Variants in AGBL2 observed in about 807,000 individuals in gnomAD.
AGBL2 encodes cytosolic carboxypeptidase 2.
AGBL2 carries 87 observed loss-of-function variants against 103.0 expected under a neutral mutation model. That is an observed-to-expected ratio of 0.84 (90% confidence interval 0.71 to 1.01). AGBL2 has a LOEUF of 1.01. Among genes scored for constraint, AGBL2 ranks in the 50% least tolerant of loss-of-function variants. The pLI is 0.00. For synonymous variants in AGBL2, 335 were observed against 356.7 expected (o/e 0.94, Z 0.69); for missense variants, 904 against 1,023.5 (o/e 0.88, Z 1.59).
intron 11 of AGBL2, 113 bp from the exon 12 acceptor site, chr11:47,682,208 A>G (rs1565035663): frequency 1.8e-6 from 2 of 1,096,016 alleles, no homozygotes; most frequent in East Asian, 2.6e-5. Context: ...TTATTTCCCA[A>G]AGCATGTTCC....
intron 4 of AGBL2, among the ~76,000 whole-genome samples, chr11:47,707,736 C>A (rs2097525609): frequency 6.6e-6 from 1 of 152,140 alleles, no homozygotes; most frequent in South Asian, 2.1e-4. Flanking sequence ...ATACCCTAAC[C>A]TACACTACGT....
chr11:47,699,994 A>G (rs1373109083), intron 7 of AGBL2, among the ~76,000 whole-genome samples: 3 of 151,116 alleles, frequency 2.0e-5, no homozygotes, highest in African/African-American at 7.3e-5. Flanking sequence ...GTCTTGCTCT[A>G]TTGCTCAGGC....
At chr11:47,677,128 C>T (rs1199109926) in intron 14 of AGBL2, 143 bp downstream of exon 14, 2 of 607,876 alleles carry the variant, frequency 3.3e-6, no homozygotes, top group Admixed American at 4.1e-5. Flanking sequence ...CCACCTCAGC[C>T]TCCCCAGTGT....
At position 47,695,033 on chromosome 11, in the gene AGBL2, C is replaced by T. The variant is rs916409607; in HGVS notation, c.695-2777G>A. On this transcript the variant is annotated intron_variant, in intron 8 of 18. Coordinates refer to ENST00000525123, the MANE Select transcript of AGBL2 (RefSeq NM_024783.4). Reference sequence around the variant, plus strand: ...GGTGTGATGGCGGGTGCCTGTAATTCCAGCTACTCAGGAGGCTGAGGCAGG... The same window carrying T: ...GGTGTGATGGCGGGTGCCTGTAATTTCAGCTACTCAGGAGGCTGAGGCAGG... Among the ~76,000 whole-genome samples the T allele has an allele frequency of 3.3e-5, 5 of 151,930 alleles. No homozygotes were observed. In the East Asian group the frequency reaches 7.7e-4, roughly 23 times the overall value.
chr11:47,671,460 C>T (rs1037748791), intron 14 of AGBL2, among the ~76,000 whole-genome samples: 1 of 152,016 alleles, frequency 6.6e-6, no homozygotes, highest in Non-Finnish European at 1.5e-5. Context: ...GTGGAGATTG[C>T]AGTGATGCAG....
intron 14 of AGBL2, among the ~76,000 whole-genome samples, chr11:47,675,282 C>T (rs921234485): frequency 2.1e-5 from 3 of 142,094 alleles, no homozygotes; most frequent in Non-Finnish European, 4.6e-5. Context: ...GGCCATACCT[C>T]ACTGCAACCT....
chr11:47,687,434 G>A (rs1043550014), intron 10 of AGBL2, among the ~76,000 whole-genome samples: 4 of 151,304 alleles, frequency 2.6e-5, no homozygotes, highest in Admixed American at 1.3e-4. Flanking sequence ...AAACATTCCC[G>A]TTATCAATTA....
At chr11:47,668,968 A>C in intron 14 of AGBL2, 61 bp from the exon 15 acceptor site, 1 of 1,191,138 alleles carries the variant, frequency 8.4e-7, no homozygotes, top group South Asian at 1.2e-5. Flanking sequence ...AGGAAGCATA[A>C]CATTTACCAG....
intron 11 of AGBL2, among the ~76,000 whole-genome samples, chr11:47,684,069 C>T (rs1036240231): frequency 1.1e-4 from 17 of 151,914 alleles, no homozygotes; most frequent in African/African-American, 3.9e-4. Flanking sequence ...TGGCCTACAT[C>T]TCTACTAAAA....
At chr11:47,684,813 C>T (rs79868124) in intron 11 of AGBL2, among the ~76,000 whole-genome samples, 1 of 152,110 alleles carries the variant, frequency 6.6e-6, no homozygotes, top group African/African-American at 2.4e-5. Flanking sequence ...TATAACCTTT[C>T]CTATGAAGAC....
At chr11:47,687,807 C>CTTTTTT (rs369461728) in intron 10 of AGBL2, among the ~76,000 whole-genome samples, 13 of 138,532 alleles carry the variant, frequency 9.4e-5, no homozygotes, top group South Asian at 4.6e-4. Flanking sequence ...TTCTTTCTTT[C>CTTTTTT]TTTTTTTTTT....
intron 8 of AGBL2, among the ~76,000 whole-genome samples, chr11:47,694,594 A>C (rs1435550144): frequency 6.6e-6 from 1 of 152,158 alleles, no homozygotes; most frequent in Non-Finnish European, 1.5e-5. Flanking sequence ...AATACACTTT[A>C]AAATTTGATA....
At chr11:47,667,844 A>C in intron 15 of AGBL2, 148 bp from the exon 16 acceptor site, 1 of 870,394 alleles carries the variant, frequency 1.1e-6, no homozygotes, top group Non-Finnish European at 1.8e-6. Context: ...CAAACAGTTC[A>C]GTTCCCTCCT....
intron 4 of AGBL2, among the ~76,000 whole-genome samples, chr11:47,707,115 C>T (rs891218938): frequency 6.6e-6 from 1 of 151,322 alleles, no homozygotes; most frequent in African/African-American, 2.4e-5. Context: ...AGGAGAATTG[C>T]TTTAACCCGG....
chr11:47,672,191 T>A (rs2097359628), intron 14 of AGBL2, among the ~76,000 whole-genome samples: 1 of 152,052 alleles, frequency 6.6e-6, no homozygotes, highest in Non-Finnish European at 1.5e-5. Context: ...CCTCAAACAA[T>A]CCTCCCATCT....
chr11:47,675,739 C>G (rs970321580), intron 14 of AGBL2, among the ~76,000 whole-genome samples: 1 of 152,060 alleles, frequency 6.6e-6, no homozygotes, highest in African/African-American at 2.4e-5. Context: ...GGCATGGTGT[C>G]TCACGCTTGT....
At chr11:47,669,517 TA>T (rs2097350914) in intron 14 of AGBL2, among the ~76,000 whole-genome samples, 1 of 151,882 alleles carries the variant, frequency 6.6e-6, no homozygotes, top group South Asian at 2.1e-4. Context: ...CCGTCTCTAT[TA>T]ATACAAAAAA....
intron 8 of AGBL2, 148 bp from the exon 9 acceptor site, chr11:47,692,404 C>CTT (rs11286504): frequency 0.013 from 1,284 of 98,856 alleles, 15 homozygotes; most frequent in South Asian, 0.02. Context: ...GACTTTTAAT[C>CTT]TTTTTTTTTT....
chr11:47,713,658 G>A (rs979462188), intron 3 of AGBL2, among the ~76,000 whole-genome samples: 1 of 150,122 alleles, frequency 6.7e-6, no homozygotes, highest in African/African-American at 2.4e-5. Flanking sequence ...GCTTGATCTC[G>A]GCTCACTGCA....
Sources: gnomAD v4.1 joint callset for allele counts (sites outside exome capture counted in the v4.1 genomes callset) on GRCh38, gnomAD v4.1.1 for gene constraint, MANE v1.5 for transcripts, NCBI Gene and HGNC (gene_info 2026-07-23, HGNC 2026-07-21) for gene names.